RAB11FIP4: variants seen among roughly 807,000 people sequenced by gnomAD.
The protein encoded by RAB11FIP4 is RAB11 family interacting protein 4.
In RAB11FIP4, 23 loss-of-function variants were observed where a neutral mutation model predicts 74.3. The observed-to-expected ratio is 0.31, with a 90% CI of 0.22 to 0.44. RAB11FIP4 has a LOEUF of 0.44. Among genes scored for constraint, RAB11FIP4 ranks in the 20% least tolerant of loss-of-function variants. The pLI, the probability that RAB11FIP4 is intolerant of heterozygous loss-of-function variation, is 1.00. For missense variants in RAB11FIP4, 630 were observed against 863.9 expected (o/e 0.73, Z 3.39); for synonymous variants, 360 against 359.9 (o/e 1.00, Z 0.00).
intron 1 of RAB11FIP4, among the ~76,000 whole-genome samples, chr17:31,400,164 C>T (rs777562867): frequency 5.9e-5 from 9 of 151,972 alleles, no homozygotes; most frequent in Non-Finnish European, 1.3e-4. Context: ...TGATAGGGGT[C>T]GCAGAAAAGA....
chr17:31,459,370 A>G (rs572142638), intron 3 of RAB11FIP4, among the ~76,000 whole-genome samples: 1 of 152,190 alleles, frequency 6.6e-6, no homozygotes, highest in South Asian at 2.1e-4. Flanking sequence ...TGGGGGTAAA[A>G]TGCCCATCAG....
At position 31,402,275 on chromosome 17, in the gene RAB11FIP4, T is replaced by C. The variant is rs1238433976; in HGVS notation, c.159+10264T>C. 3.3e-5 allele frequency among the ~76,000 whole-genome samples: 5 copies of C among 152,230 alleles called. No individual in the cohort carries two copies. The South Asian group carries it at 8.3e-4, about 25-fold the overall frequency. ...CTGAGTATCAGTCATGCAAAAGTCC[T>C]AAGCACAGACCCAGGGATGGGGACT... On this transcript the variant is annotated intron_variant, in intron 1 of 14. Transcript: ENST00000621161.
intron 1 of RAB11FIP4, among the ~76,000 whole-genome samples, chr17:31,394,942 G>GT (rs1567641160): frequency 1.5e-5 from 2 of 137,588 alleles, no homozygotes; most frequent in African/African-American, 5.4e-5. Context: ...GGGGGGCGGG[G>GT]GGGGGGGGCT....
intron 1 of RAB11FIP4, among the ~76,000 whole-genome samples, chr17:31,412,114 G>A (rs2071102869): frequency 1.3e-5 from 2 of 152,318 alleles, no homozygotes. Context: ...CATCAGTGCT[G>A]GCAGCTGAAC....
intron 7 of RAB11FIP4, chr17:31,523,220 A>C: frequency 6.9e-6 from 3 of 437,122 alleles, no homozygotes; most frequent in South Asian, 2.4e-5. Context: ...GTCACTGGGT[A>C]GCTGCAGGCC....
chr17:31,485,593 T>C (rs142418105), intron 3 of RAB11FIP4, among the ~76,000 whole-genome samples: 7 of 152,312 alleles, frequency 4.6e-5, no homozygotes, highest in African/African-American at 1.7e-4. Context: ...GAAACCAAGA[T>C]AGAACCCCTG....
At chr17:31,418,313 G>A (rs1281615607) in intron 1 of RAB11FIP4, among the ~76,000 whole-genome samples, 1 of 152,108 alleles carries the variant, frequency 6.6e-6, no homozygotes, top group African/African-American at 2.4e-5. Context: ...GCTTGAACCC[G>A]GGAGGCGGAG....
chr17:31,493,364 G>A (rs560657493), intron 3 of RAB11FIP4, among the ~76,000 whole-genome samples: 6 of 152,184 alleles, frequency 3.9e-5, no homozygotes, highest in Admixed American at 2.6e-4. Flanking sequence ...GAGAGTGGGC[G>A]GGCTCTCTCT....
At chr17:31,413,992 A>G (rs2071124219) in intron 1 of RAB11FIP4, among the ~76,000 whole-genome samples, 1 of 152,250 alleles carries the variant, frequency 6.6e-6, no homozygotes, top group African/African-American at 2.4e-5. Context: ...ACCAGCGTCC[A>G]GGCATGCTCT....
At chr17:31,447,177 G>A (rs1032573384) in intron 3 of RAB11FIP4, among the ~76,000 whole-genome samples, 9 of 152,200 alleles carry the variant, frequency 5.9e-5, no homozygotes, top group Admixed American at 1.3e-4. Flanking sequence ...CCAGCTACTC[G>A]GGAGGCTGAG....
chr17:31,455,307 G>T (rs187663337), intron 3 of RAB11FIP4, among the ~76,000 whole-genome samples: 6 of 152,282 alleles, frequency 3.9e-5, no homozygotes, highest in Admixed American at 2.6e-4. Flanking sequence ...TAGATTGGGG[G>T]TGGTGGTTTA....
At position 31,531,616 on chromosome 17, in the gene RAB11FIP4, C is replaced by T. The variant is rs993277125; in HGVS notation, c.1798C>T (p.Leu600=). Residue 600 remains leucine (L), a splice_region_variant and synonymous_variant, in exon 15 of 15, where the codon CTA becomes TTA. Coordinates refer to ENST00000621161, the MANE Select transcript of RAB11FIP4 (RefSeq NM_032932.6). ...AEIDTASRDE[L]MEALKEQEEI... is the part of the protein sequence containing the mutation. Reference sequence around the variant, plus strand: ...GACCCGTCTTTCCCATTTCCTTCAGCTAATGGAAGCCCTGAAGGAGCAGGA... The same window carrying T: ...GACCCGTCTTTCCCATTTCCTTCAGTTAATGGAAGCCCTGAAGGAGCAGGA... 29 of 1,604,282 alleles carry T rather than the reference C, an allele frequency of 1.8e-5. No homozygotes were observed. The highest frequency in any genetic ancestry group is 2.5e-5 in the Non-Finnish European group (29 of 1,171,060).
Position 31,512,862 on chromosome 17 carries a change from G to T in RAB11FIP4, c.337-4789G>T, listed in dbSNP as rs761271351. 6.6e-6 allele frequency among the ~76,000 whole-genome samples: 1 copy of T among 152,216 alleles called. No individual in the cohort carries two copies. Among genetic ancestry groups the T allele is most frequent in the Middle Eastern group, 3.4e-3 (1 of 294 alleles). ...TGGACTCCTTTTTCACACAGCAGGC[G>T]GGAATGGGCAGGAAACCGGGGCTCT... On this transcript the variant is annotated intron_variant, in intron 3 of 14. Transcript: ENST00000621161. This position sits in a 1 kb window ranked among gnomAD's most constrained non-coding sequence, Gnocchi z 4.1.
intron 3 of RAB11FIP4, among the ~76,000 whole-genome samples, chr17:31,456,075 T>C (rs1483320073): frequency 1.3e-5 from 2 of 152,250 alleles, no homozygotes; most frequent in Middle Eastern, 3.2e-3. Flanking sequence ...CAGAAAGCGC[T>C]GTTTGCTCTT....
intron 3 of RAB11FIP4, among the ~76,000 whole-genome samples, chr17:31,477,081 C>A (rs192428882): frequency 9.8e-4 from 150 of 152,336 alleles, no homozygotes; most frequent in African/African-American, 3.4e-3. Context: ...TGTGGGGTAG[C>A]TTGCGTGTTG....
chr17:31,523,883 C>G lies in RAB11FIP4; in HGVS notation c.1030-10C>G. On this transcript the variant is annotated splice_polypyrimidine_tract_variant and intron_variant, in intron 8 of 14. Coordinates refer to ENST00000621161, the MANE Select transcript of RAB11FIP4 (RefSeq NM_032932.6). ...GGTCTTCTCCACCCCACCCCGGCCC[C>G]CTGCTGCAGGTAAGCTTCCTGGAAA... The G allele has an allele frequency of 1.2e-6, 2 of 1,602,718 alleles. No individual in the cohort carries two copies. Among genetic ancestry groups the G allele is most frequent in the South Asian group, 1.1e-5 (1 of 89,660 alleles).
intron 1 of RAB11FIP4, among the ~76,000 whole-genome samples, chr17:31,405,448 C>T (rs1036052764): frequency 1.3e-5 from 2 of 152,082 alleles, no homozygotes; most frequent in Admixed American, 6.5e-5. Flanking sequence ...CGGCTCACTG[C>T]AGCCTCCACC....
chr17:31,449,782 T>C (rs1417575085), intron 3 of RAB11FIP4, among the ~76,000 whole-genome samples: 1 of 152,190 alleles, frequency 6.6e-6, no homozygotes, highest in Non-Finnish European at 1.5e-5. Flanking sequence ...CCTAGTTTGC[T>C]GCAGCCTCAA....
intron 3 of RAB11FIP4, among the ~76,000 whole-genome samples, chr17:31,468,280 A>G (rs574009803): frequency 2.0e-5 from 3 of 152,124 alleles, no homozygotes; most frequent in East Asian, 3.9e-4. Context: ...CCCCACACAC[A>G]TGCAAAGCTG....
Sources: gnomAD v4.1 joint callset for allele counts (sites outside exome capture counted in the v4.1 genomes callset) on GRCh38, gnomAD v4.1.1 for gene constraint, Gnocchi (gnomAD v3.1) non-coding constraint, MANE v1.5 for transcripts, NCBI Gene and HGNC (gene_info 2026-07-23, HGNC 2026-07-21) for gene names.